CAPN13: variants seen among roughly 807,000 people sequenced by gnomAD.
CAPN13 encodes calpain 13, also known as calpain-13.
A neutral mutation model predicts 98.4 loss-of-function variants in CAPN13; 90 were observed. The observed-to-expected ratio is 0.92, with a 90% CI of 0.77 to 1.09. The LOEUF (loss-of-function observed/expected upper bound fraction) is 1.09, where lower values mean the gene tolerates loss of function less well. Among genes scored for constraint, CAPN13 ranks in the 50% least tolerant of loss-of-function variants. The pLI is 0.00. For missense variants in CAPN13, 887 were observed against 841.3 expected (o/e 1.05, Z -0.67); for synonymous variants, 330 against 305.5 (o/e 1.08, Z -0.84).
chr2:30,736,246 G>A (rs1259087042), intron 18 of CAPN13, among the ~76,000 whole-genome samples: 1 of 152,044 alleles, frequency 6.6e-6, no homozygotes, highest in East Asian at 1.9e-4. Flanking sequence ...GATGCTAGCA[G>A]GTAGCTTTAG....
intron 8 of CAPN13, among the ~76,000 whole-genome samples, chr2:30,757,557 A>G (rs917979385): frequency 6.6e-6 from 1 of 152,224 alleles, no homozygotes; most frequent in African/African-American, 2.4e-5. Context: ...TCTTTGCATC[A>G]GTTTCCCCAA....
At chr2:30,798,126 A>G (rs1336855501) in intron 1 of CAPN13, among the ~76,000 whole-genome samples, 1 of 152,280 alleles carries the variant, frequency 6.6e-6, no homozygotes, top group Non-Finnish European at 1.5e-5. Flanking sequence ...GCCACTGGCC[A>G]TACGTAGCTA....
chr2:30,782,078 T>A (rs1185181827), intron 2 of CAPN13, among the ~76,000 whole-genome samples: 6 of 152,170 alleles, frequency 3.9e-5, no homozygotes, highest in Admixed American at 3.9e-4. Context: ...AGAGCTCTTG[T>A]AATGCAAGGG....
Position 30,737,976 on chromosome 2 carries a change from C to T in CAPN13, c.1653+259G>A, listed in dbSNP as rs551100201. ...TTCAAGAATTATAAGGACACACACA[C>T]ACACACACACACACACACACACACA... is the stretch of plus-strand genomic sequence containing the variant. On this transcript the variant is annotated intron_variant, in intron 17 of 22. Transcript: ENST00000295055. 4 of 421,840 alleles carry T rather than the reference C, an allele frequency of 9.5e-6. No homozygotes were observed. In the East Asian group the frequency reaches 1.3e-4, roughly 14 times the overall value. 26.1% of individuals were successfully genotyped at this position (421,840 alleles called of 1,614,324 possible).
At chr2:30,740,453 T>G (rs995378612) in intron 15 of CAPN13, among the ~76,000 whole-genome samples, 1 of 152,138 alleles carries the variant, frequency 6.6e-6, no homozygotes, top group African/African-American at 2.4e-5. Context: ...GAGGACACAG[T>G]GAGTGCATGG....
chr2:30,752,964 A>G (rs1672252940), intron 10 of CAPN13, 89 bp downstream of exon 10: 1 of 1,405,148 alleles, frequency 7.1e-7, no homozygotes, highest in Admixed American at 1.8e-5. Context: ...GTCCAGAATC[A>G]AGGACCAGAG....
intron 8 of CAPN13, among the ~76,000 whole-genome samples, chr2:30,755,853 A>G (rs958713625): frequency 9.6e-6 from 1 of 103,818 alleles, no homozygotes; most frequent in African/African-American, 3.7e-5. Context: ...AGTGTAGATC[A>G]ATACGCTATT....
At chr2:30,769,196 G>A (rs1212736483) in intron 5 of CAPN13, among the ~76,000 whole-genome samples, 1 of 152,132 alleles carries the variant, frequency 6.6e-6, no homozygotes, top group African/African-American at 2.4e-5. Context: ...CCTTGTGGCA[G>A]TCAAGAACAT....
At chr2:30,790,247 T>C (rs1674531203) in intron 1 of CAPN13, among the ~76,000 whole-genome samples, 1 of 152,218 alleles carries the variant, frequency 6.6e-6, no homozygotes, top group Non-Finnish European at 1.5e-5. Flanking sequence ...GAGGGCTTTC[T>C]GCTTCTTTCC....
intron 4 of CAPN13, among the ~76,000 whole-genome samples, chr2:30,771,222 T>C (rs1026305284): frequency 6.6e-6 from 1 of 152,222 alleles, no homozygotes; most frequent in African/African-American, 2.4e-5. Context: ...TCCAGCTTTT[T>C]GGATTCTCTT....
intron 1 of CAPN13, among the ~76,000 whole-genome samples, chr2:30,792,941 A>G (rs1674676179): frequency 6.6e-6 from 1 of 151,982 alleles, no homozygotes; most frequent in African/African-American, 2.4e-5. Context: ...GCAATCTACC[A>G]CAGTAAAAAG....
intron 2 of CAPN13, among the ~76,000 whole-genome samples, chr2:30,784,977 C>G (rs971896633): frequency 6.6e-6 from 1 of 152,220 alleles, no homozygotes; most frequent in African/African-American, 2.4e-5. Context: ...CAGCTGTACA[C>G]TGTGGGTCAA....
chr2:30,751,121 GA>G lies in CAPN13; in HGVS notation c.1217del (p.Leu406ProfsTer5), dbSNP rs776834567. 8.7e-6 allele frequency: 14 copies of G among 1,613,576 alleles called. No individual in the cohort carries two copies. Among genetic ancestry groups the G allele is most frequent in the Non-Finnish European group, 1.2e-5 (14 of 1,179,752 alleles). On this transcript the variant is annotated frameshift_variant, in exon 11 of 23. Transcript: ENST00000295055. LOFTEE classifies it high-confidence loss of function. Reference sequence around the variant, plus strand: ...GCCTTACCAGAATCACTTGGAAATCGAGTGGAAATTTTGCATCTTCTGCTTT... The same window carrying G: ...GCCTTACCAGAATCACTTGGAAATCGGTGGAAATTTTGCATCTTCTGCTTT... Reference protein sequence around the residue: ...NLKAEDAKFPLDFQVILAGSQ... With the variant: ...NLKAEDAKFPXDFQVILAGSQ...
At chr2:30,726,958 G>T (rs1670879682) in intron 22 of CAPN13, among the ~76,000 whole-genome samples, 2 of 152,130 alleles carry the variant, frequency 1.3e-5, no homozygotes, top group South Asian at 4.1e-4. Context: ...CTATAAAATT[G>T]TAGCAATCAA....
intron 1 of CAPN13, among the ~76,000 whole-genome samples, chr2:30,800,156 G>GAAAGAAAGAAAGAAA: frequency 1.3e-5 from 2 of 149,800 alleles, no homozygotes; most frequent in Non-Finnish European, 3.0e-5. Flanking sequence ...AAGAAAGAAA[G>GAAAGAAAGAAAGAAA]AAAGAAAGAA....
At position 30,732,731 on chromosome 2, in the gene CAPN13, C is replaced by T. The variant is rs545548351; in HGVS notation, c.1799-165G>A. Among the ~76,000 whole-genome samples the T allele has an allele frequency of 1.2e-4, 19 of 152,278 alleles. No homozygotes were observed. In the South Asian group the frequency reaches 3.3e-3, roughly 27 times the overall value. On this transcript the variant is annotated intron_variant, in intron 19 of 22. Coordinates refer to ENST00000295055, the MANE Select transcript of CAPN13 (RefSeq NM_144575.3). ...CTTCTCTTTCCTGTTGGTTGTTAGG[C>T]CCCAGGAACCTAGTTCTGGAGTCTG...
chr2:30,744,057 G>A (rs1049658013), intron 12 of CAPN13, among the ~76,000 whole-genome samples: 2 of 152,182 alleles, frequency 1.3e-5, no homozygotes, highest in Non-Finnish European at 2.9e-5. Flanking sequence ...TCTCATTGGA[G>A]AATAATGGGC....
At chr2:30,800,144 G>GAAAGAAAAGAAAGA (rs1558351620) in intron 1 of CAPN13, among the ~76,000 whole-genome samples, 28 of 147,228 alleles carry the variant, frequency 1.9e-4, no homozygotes, top group African/African-American at 5.9e-4. Context: ...AAGAAAGAAA[G>GAAAGAAAAGAAAGA]AAAGAAAGAA....
intron 2 of CAPN13, among the ~76,000 whole-genome samples, chr2:30,784,961 C>A (rs1558337856): frequency 6.6e-6 from 1 of 152,210 alleles, no homozygotes. Context: ...GTGCTCTCTG[C>A]AGTCACAGCT....
Sources: gnomAD v4.1 joint callset for allele counts (sites outside exome capture counted in the v4.1 genomes callset) on GRCh38, gnomAD v4.1.1 for gene constraint, MANE v1.5 for transcripts, NCBI Gene and HGNC (gene_info 2026-07-23, HGNC 2026-07-21) for gene names.